Variants in SPMIP2 observed in about 807,000 individuals in gnomAD.
SPMIP2 encodes the protein sperm microtubule inner protein 2.
At chr4:159,075,168 G>A in the SPMIP2 span, among the ~76,000 whole-genome samples, 10 of 152,198 alleles carry the variant, frequency 6.6e-5, no homozygotes, top group African/African-American at 2.4e-4. Flanking sequence ...GTGCAGGGAC[G>A]AGAGTGGAAA....
the SPMIP2 span, among the ~76,000 whole-genome samples, chr4:159,020,238 T>C: frequency 6.6e-6 from 1 of 152,172 alleles, no homozygotes; most frequent in African/African-American, 2.4e-5. Flanking sequence ...TCTTCTTCCA[T>C]CTCTGTGCAA....
chr4:159,003,065 T>TC, the SPMIP2 span, among the ~76,000 whole-genome samples: 2 of 152,176 alleles, frequency 1.3e-5, no homozygotes, highest in Non-Finnish European at 2.9e-5. Context: ...CATTTTTTCC[T>TC]CCCCTCTCTG....
the SPMIP2 span, among the ~76,000 whole-genome samples, chr4:158,933,660 C>T: frequency 6.6e-6 from 1 of 152,148 alleles, no homozygotes; most frequent in African/African-American, 2.4e-5. Flanking sequence ...GAAACCCTTT[C>T]CTCTTGGACT....
chr4:159,052,159 A>T, the SPMIP2 span, among the ~76,000 whole-genome samples: 1 of 152,222 alleles, frequency 6.6e-6, no homozygotes, highest in South Asian at 2.1e-4. Context: ...GCTAAAGCAG[A>T]CGTCTCACAC....
At chr4:159,019,190 T>G in the SPMIP2 span, among the ~76,000 whole-genome samples, 2 of 150,606 alleles carry the variant, frequency 1.3e-5, no homozygotes, top group Non-Finnish European at 2.9e-5. Flanking sequence ...AGAAAGTTTC[T>G]GCCTGTGATA....
At chr4:159,061,136 G>A in the SPMIP2 span, among the ~76,000 whole-genome samples, 1 of 149,342 alleles carries the variant, frequency 6.7e-6, no homozygotes, top group Non-Finnish European at 1.5e-5. Flanking sequence ...TAACATAGCT[G>A]AATACTGACT....
the SPMIP2 span, among the ~76,000 whole-genome samples, chr4:158,911,701 C>T: frequency 3.9e-5 from 6 of 152,172 alleles, no homozygotes; most frequent in Admixed American, 3.9e-4. Context: ...AAATCTCAAA[C>T]CCCATTTCAG....
the SPMIP2 span, among the ~76,000 whole-genome samples, chr4:158,989,815 G>T: frequency 6.6e-6 from 1 of 152,144 alleles, no homozygotes; most frequent in Non-Finnish European, 1.5e-5. Flanking sequence ...CAGGACATAG[G>T]TATGGGCAAA....
At chr4:158,982,489 G>A in the SPMIP2 span, among the ~76,000 whole-genome samples, 1 of 152,088 alleles carries the variant, frequency 6.6e-6, no homozygotes, top group Admixed American at 6.6e-5. Flanking sequence ...ACACTCCTCA[G>A]CAAATGCAAA....
the SPMIP2 span, among the ~76,000 whole-genome samples, chr4:159,030,343 G>A: frequency 6.6e-5 from 10 of 151,942 alleles, no homozygotes; most frequent in African/African-American, 2.4e-4. Context: ...GCCCAGGGAG[G>A]TCAAGGCTGC....
chr4:158,894,290 C>T, the SPMIP2 span, among the ~76,000 whole-genome samples: 1 of 151,776 alleles, frequency 6.6e-6, no homozygotes, highest in Non-Finnish European at 1.5e-5. Context: ...CCCACCTCAG[C>T]CTCCTGATTA....
the SPMIP2 span, among the ~76,000 whole-genome samples, chr4:159,073,060 T>C: frequency 1.4e-3 from 218 of 152,368 alleles, no homozygotes; most frequent in Non-Finnish European, 1.4e-3. Flanking sequence ...ATTTGTCTTT[T>C]GTGCTGTGTT....
At chr4:159,035,180 C>G in the SPMIP2 span, 1 of 1,117,754 alleles carries the variant, frequency 8.9e-7, no homozygotes, top group Non-Finnish European at 1.3e-6. Flanking sequence ...ACGAAAGACT[C>G]TGCAGTCTTT....
the SPMIP2 span, among the ~76,000 whole-genome samples, chr4:158,967,237 C>G: frequency 6.6e-6 from 1 of 152,046 alleles, no homozygotes; most frequent in Admixed American, 6.6e-5. Flanking sequence ...AATGTAACAT[C>G]TGTATATAAG....
the SPMIP2 span, among the ~76,000 whole-genome samples, chr4:158,971,841 A>G: frequency 0.06 from 9,190 of 152,268 alleles, 390 homozygotes; most frequent in Middle Eastern, 0.11. Flanking sequence ...GAGGCAAATG[A>G]ACTTAACCAA....
the SPMIP2 span, among the ~76,000 whole-genome samples, chr4:158,902,883 A>G: frequency 6.7e-6 from 1 of 148,918 alleles, no homozygotes; most frequent in Admixed American, 6.7e-5. Flanking sequence ...CTGTGCTGGC[A>G]GTGAGAATTT....
At chr4:159,053,294 C>T in the SPMIP2 span, among the ~76,000 whole-genome samples, 1 of 152,094 alleles carries the variant, frequency 6.6e-6, no homozygotes, top group Admixed American at 6.6e-5. Context: ...GTGACAGTAT[C>T]GACTACATGG....
chr4:158,906,492 G>A, the SPMIP2 span: 1 of 152,272 alleles, frequency 6.6e-6, no homozygotes, highest in South Asian at 2.1e-4. Flanking sequence ...GGGACACTGA[G>A]CTTTAAATCG....
At chr4:158,951,607 A>G in the SPMIP2 span, among the ~76,000 whole-genome samples, 1 of 152,206 alleles carries the variant, frequency 6.6e-6, no homozygotes, top group African/African-American at 2.4e-5. Flanking sequence ...GTGCTTTGTG[A>G]GAAAATTTAA....
Sources: allele counts gnomAD v4.1 joint callset (sites outside exome capture counted in the v4.1 genomes callset), GRCh38; gene constraint gnomAD v4.1.1; transcripts MANE v1.5; gene names NCBI Gene and HGNC (gene_info 2026-07-23, HGNC 2026-07-21).